BAZ2B: variants seen among roughly 807,000 people sequenced by gnomAD.
BAZ2B encodes bromodomain adjacent to zinc finger domain protein 2B.
A neutral mutation model predicts 246.0 loss-of-function variants in BAZ2B; 91 were observed. That is an observed-to-expected ratio of 0.37 (90% CI 0.31 to 0.44). BAZ2B has a LOEUF of 0.44. Among genes scored for constraint, BAZ2B ranks in the 20% least tolerant of loss-of-function variants. The pLI is 1.00. For missense variants in BAZ2B, 2,332 were observed against 2,533.7 expected (o/e 0.92, Z 1.71); for synonymous variants, 855 against 860.0 (o/e 0.99, Z 0.10).
chr2:159,597,932 TA>T (rs1402201662), intron 1 of BAZ2B, among the ~76,000 whole-genome samples: 1 of 151,996 alleles, frequency 6.6e-6, no homozygotes, highest in Non-Finnish European at 1.5e-5. Context: ...CACAATACAC[TA>T]AATACACTAA....
upstream of BAZ2B, among the ~76,000 whole-genome samples, chr2:159,620,762 G>A (rs1407262037): frequency 6.6e-6 from 1 of 152,110 alleles, no homozygotes; most frequent in Non-Finnish European, 1.5e-5. Context: ...GAATGATAGG[G>A]ATGTCATGAC....
At chr2:159,539,796 A>G (rs1578200557) in intron 2 of BAZ2B, among the ~76,000 whole-genome samples, 1 of 152,132 alleles carries the variant, frequency 6.6e-6, no homozygotes, top group Non-Finnish European at 1.5e-5. Flanking sequence ...TTTTTTTTAA[A>G]TGATATCTGC....
intron 4 of BAZ2B, among the ~76,000 whole-genome samples, chr2:159,453,293 C>T (rs887889001): frequency 2.6e-5 from 4 of 152,124 alleles, no homozygotes. Flanking sequence ...TTCAACTCTA[C>T]ATTTACACTA....
the BAZ2B span, among the ~76,000 whole-genome samples, chr2:159,643,811 G>A: frequency 6.7e-6 from 1 of 149,266 alleles, no homozygotes; most frequent in Non-Finnish European, 1.5e-5. Flanking sequence ...AGGAGGCAGA[G>A]GTTGCAGTGA....
the BAZ2B span, among the ~76,000 whole-genome samples, chr2:159,639,681 A>C: frequency 6.6e-6 from 1 of 152,130 alleles, no homozygotes; most frequent in African/African-American, 2.4e-5. Context: ...AAATCAGAAA[A>C]CATACAATGG....
chr2:159,509,900 AGT>A (rs1344653372), intron 2 of BAZ2B, among the ~76,000 whole-genome samples: 3 of 151,550 alleles, frequency 2.0e-5, no homozygotes, highest in Non-Finnish European at 4.4e-5. Context: ...TATACATACT[AGT>A]GTGTATGTAT....
chr2:159,706,562 G>A, the BAZ2B span, among the ~76,000 whole-genome samples: 8 of 152,306 alleles, frequency 5.3e-5, no homozygotes, highest in South Asian at 2.1e-4. Context: ...GCACGCGTGC[G>A]CATGTGCACA....
chr2:159,558,082 G>A (rs2089417260), intron 1 of BAZ2B, among the ~76,000 whole-genome samples: 1 of 152,014 alleles, frequency 6.6e-6, no homozygotes, highest in African/African-American at 2.4e-5. Flanking sequence ...CTAAGTATTA[G>A]GAACAAGGAT....
At chr2:159,406,813 G>A (rs936155624) in intron 14 of BAZ2B, among the ~76,000 whole-genome samples, 1 of 151,734 alleles carries the variant, frequency 6.6e-6, no homozygotes, top group Non-Finnish European at 1.5e-5. Flanking sequence ...GGAGTGCAGT[G>A]GCGTGATCTC....
intron 2 of BAZ2B, among the ~76,000 whole-genome samples, chr2:159,526,304 A>G (rs1006251250): frequency 6.6e-6 from 1 of 152,176 alleles, no homozygotes; most frequent in Admixed American, 6.5e-5. Context: ...GAAAGAAATT[A>G]GGCAACATAT....
chr2:159,366,200 C>T (rs2060202350), intron 27 of BAZ2B, among the ~76,000 whole-genome samples: 1 of 152,198 alleles, frequency 6.6e-6, no homozygotes, highest in Non-Finnish European at 1.5e-5. Flanking sequence ...ATCCATGCCC[C>T]ACATTAGGAG....
At chr2:159,542,714 G>A (rs1342196820) in intron 2 of BAZ2B, among the ~76,000 whole-genome samples, 1 of 151,928 alleles carries the variant, frequency 6.6e-6, no homozygotes, top group East Asian at 1.9e-4. Context: ...AAGGCAAGAA[G>A]GCAGTAGAAA....
chr2:159,675,120 AAGCTGGCAC>A, the BAZ2B span, among the ~76,000 whole-genome samples: 2 of 152,150 alleles, frequency 1.3e-5, no homozygotes, highest in South Asian at 4.1e-4. Context: ...GATTTATTAT[AAGCTGGCAC>A]AGAGGCTCTT....
At chr2:159,346,437 G>C (rs1008344251) in intron 31 of BAZ2B, among the ~76,000 whole-genome samples, 4 of 152,146 alleles carry the variant, frequency 2.6e-5, no homozygotes, top group East Asian at 3.8e-4. Context: ...AGGCACAGTG[G>C]CTCATGCCTG....
intron 27 of BAZ2B, among the ~76,000 whole-genome samples, chr2:159,367,728 A>G (rs1233826454): frequency 6.6e-6 from 1 of 152,024 alleles, no homozygotes; most frequent in East Asian, 1.9e-4. Context: ...TACTAAAAAA[A>G]TACAAAAAAA....
At position 159,405,264 on chromosome 2, in the gene BAZ2B, T is replaced by C. The variant is rs1220461805; in HGVS notation, c.2678-150A>G. On this transcript the variant is annotated intron_variant, in intron 14 of 36. Coordinates refer to ENST00000392783, the MANE Select transcript of BAZ2B (RefSeq NM_013450.4). ...TCTCGCTCTGTTGCCCAGGCTGGAG[T>C]GCAGTGGTGCGATCGCGGCTCACTG... is the stretch of plus-strand genomic sequence containing the variant. The C allele has an allele frequency of 5.9e-6, 4 of 672,862 alleles. No individual in the cohort carries two copies. In the Admixed American group the frequency reaches 9.1e-5, roughly 15 times the overall value. The allele number at this position is 672,862 out of a possible 1,614,324, so 41.7% of individuals were successfully genotyped here.
intron 34 of BAZ2B, among the ~76,000 whole-genome samples, chr2:159,330,066 T>C (rs2064459742): frequency 6.6e-6 from 1 of 152,176 alleles, no homozygotes; most frequent in African/African-American, 2.4e-5. Flanking sequence ...AAATGATCAA[T>C]GAGAATAATC....
chr2:159,652,684 C>T, the BAZ2B span, among the ~76,000 whole-genome samples: 1 of 152,002 alleles, frequency 6.6e-6, no homozygotes, highest in Admixed American at 6.6e-5. Context: ...GTGGTATAAA[C>T]ACGATTTACT....
At chr2:159,569,855 G>A (rs960216602) in intron 1 of BAZ2B, among the ~76,000 whole-genome samples, 4 of 151,920 alleles carry the variant, frequency 2.6e-5, no homozygotes, top group African/African-American at 9.7e-5. Flanking sequence ...ATGAAAATTA[G>A]GTAATTTTCA....
Sources: gnomAD v4.1 joint callset for allele counts (sites outside exome capture counted in the v4.1 genomes callset) on GRCh38, gnomAD v4.1.1 for gene constraint, MANE v1.5 for transcripts, NCBI Gene and HGNC (gene_info 2026-07-23, HGNC 2026-07-21) for gene names.